COL26A1: variants seen among roughly 807,000 people sequenced by gnomAD.
COL26A1 encodes the protein collagen type XXVI alpha 1 chain, also known as collagen alpha-1(XXVI) chain.
A neutral mutation model predicts 59.3 loss-of-function variants in COL26A1; 41 were observed. The ratio of observed to expected loss-of-function variants is 0.69; its 90% CI spans 0.54 to 0.90. The LOEUF is 0.90. Among genes scored for constraint, COL26A1 ranks in the 40% least tolerant of loss-of-function variants. The pLI, the probability that COL26A1 is intolerant of heterozygous loss-of-function variation, is 0.00. For synonymous variants in COL26A1, 266 were observed against 256.0 expected (o/e 1.04, Z -0.37); for missense variants, 612 against 602.3 (o/e 1.02, Z -0.17).
At chr7:101,388,598 CTG>C (rs1056802830) in intron 1 of COL26A1, among the ~76,000 whole-genome samples, 4 of 150,800 alleles carry the variant, frequency 2.7e-5, no homozygotes, top group African/African-American at 9.7e-5. Flanking sequence ...CAGTCTCACT[CTG>C]TTGCCCAGGC....
intron 3 of COL26A1, among the ~76,000 whole-genome samples, chr7:101,479,148 A>AT (rs1422692601): frequency 1.2e-4 from 19 of 152,338 alleles, no homozygotes; most frequent in Admixed American, 1.2e-3. Flanking sequence ...CATATTGTCA[A>AT]TTGCTCTCCA....
chr7:101,486,699 C>T lies in COL26A1; in HGVS notation c.385+38912C>T, dbSNP rs189817493. On this transcript the variant is annotated intron_variant, in intron 3 of 12. Coordinates refer to ENST00000313669, the MANE Select transcript of COL26A1 (RefSeq NM_001278563.3). ...ATGCCAACACGCCTTTTATTAGGCA[C>T]GTCGATCCCATAATGTCCTTTCTCC... 9.2e-4 allele frequency among the ~76,000 whole-genome samples: 140 copies of T among 152,346 alleles called. 1 individual carries two copies. The highest frequency in any genetic ancestry group is 3.2e-3 in the African/African-American group (133 of 41,580).
intron 3 of COL26A1, among the ~76,000 whole-genome samples, chr7:101,511,409 C>T (rs1037214151): frequency 6.6e-6 from 1 of 152,190 alleles, no homozygotes; most frequent in Non-Finnish European, 1.5e-5. Flanking sequence ...ACTGAACTCC[C>T]AGAACAAATC....
intron 8 of COL26A1, among the ~76,000 whole-genome samples, chr7:101,547,639 A>G (rs1795765907): frequency 6.6e-6 from 1 of 152,236 alleles, no homozygotes; most frequent in Non-Finnish European, 1.5e-5. Context: ...TCCATCATCC[A>G]CATTCCTCAT....
intron 1 of COL26A1, among the ~76,000 whole-genome samples, chr7:101,375,332 G>T (rs1791288580): frequency 6.6e-6 from 1 of 151,272 alleles, no homozygotes; most frequent in Non-Finnish European, 1.5e-5. Context: ...AAGGATAAAG[G>T]CTTCTCTCAG....
chr7:101,394,869 CTTTTTT>C (rs61005447), intron 1 of COL26A1, among the ~76,000 whole-genome samples: 3 of 97,044 alleles, frequency 3.1e-5, no homozygotes, highest in Admixed American at 1.1e-4. Context: ...TTTTTCTTTT[CTTTTTT>C]TTTTTTTTTT....
chr7:101,362,470 G>C (rs970432930), upstream of COL26A1, among the ~76,000 whole-genome samples: 3 of 152,212 alleles, frequency 2.0e-5, no homozygotes, highest in Admixed American at 1.3e-4. Flanking sequence ...GATCCAAAGA[G>C]CCCTGCACAA....
intron 3 of COL26A1, among the ~76,000 whole-genome samples, chr7:101,448,120 G>A (rs764143430): frequency 7.2e-5 from 11 of 152,214 alleles, no homozygotes; most frequent in Non-Finnish European, 1.5e-4. Flanking sequence ...CAGAACCCCT[G>A]GGGCAGGCAG....
chr7:101,416,396 A>C (rs1792371590), intron 1 of COL26A1, among the ~76,000 whole-genome samples: 1 of 143,730 alleles, frequency 7.0e-6, no homozygotes, highest in South Asian at 2.3e-4. Flanking sequence ...CGGCCTCCCA[A>C]AGTACTGGGA....
At chr7:101,424,593 G>T (rs28417866) in intron 2 of COL26A1, among the ~76,000 whole-genome samples, 145 of 152,162 alleles carry the variant, frequency 9.5e-4, no homozygotes, top group African/African-American at 3.3e-3. Flanking sequence ...GCAAGTCTCC[G>T]TCTCAAAAAA....
intron 1 of COL26A1, among the ~76,000 whole-genome samples, chr7:101,377,937 G>T (rs538389882): frequency 2.6e-5 from 4 of 152,102 alleles, no homozygotes; most frequent in Non-Finnish European, 5.9e-5. Context: ...ACAGGGTCTT[G>T]CTCTGTCACC....
Position 101,557,681 on chromosome 7 carries a change from C to G in COL26A1, c.*151C>G. ...GGGGGGCTTTGGGGACAGATAATGT[C>G]TCCAGGGGCAGGGTCTGGAGGGGCC... is the stretch of plus-strand genomic sequence containing the variant. On this transcript the variant is annotated 3_prime_UTR_variant, in exon 13 of 13. Transcript: ENST00000313669. The G allele has an allele frequency of 3.8e-6, 3 of 788,380 alleles. No individual in the cohort carries two copies. The highest frequency in any genetic ancestry group is 5.8e-6 in the Non-Finnish European group (3 of 515,702). 48.8% of individuals were successfully genotyped at this position (788,380 alleles called of 1,614,324 possible). A position where few individuals can be genotyped will look rare whatever the true frequency, so the allele number is the denominator to read the frequency against.
chr7:101,422,834 T>C (rs1468922236), intron 2 of COL26A1, among the ~76,000 whole-genome samples: 1 of 152,046 alleles, frequency 6.6e-6, no homozygotes, highest in Non-Finnish European at 1.5e-5. Context: ...GAGACAGGGG[T>C]CTCGCCATGT....
rs1425073973 is a variant in COL26A1 at position 101,363,011 on chromosome 7, T to G, written c.-22T>G. ...CGGTCCTCGTGCCCGGGACTCCGGG[T>G]CCCCGCGGGCTGCTGCGCACGATGA... On this transcript the variant is annotated 5_prime_UTR_variant, in exon 1 of 13. Coordinates refer to ENST00000313669, the MANE Select transcript of COL26A1 (RefSeq NM_001278563.3). 6.4e-7 allele frequency: 1 copy of G among 1,562,440 alleles called. No individual in the cohort carries two copies. Among genetic ancestry groups the G allele is most frequent in the East Asian group, 2.4e-5 (1 of 41,486 alleles).
chr7:101,535,802 G>C (rs934777344), intron 4 of COL26A1, among the ~76,000 whole-genome samples: 1 of 152,218 alleles, frequency 6.6e-6, no homozygotes, highest in Non-Finnish European at 1.5e-5. Context: ...GGCTGGTCCA[G>C]AGTGGGGAAG....
At chr7:101,445,663 C>T (rs373671832) in intron 2 of COL26A1, among the ~76,000 whole-genome samples, 22 of 131,170 alleles carry the variant, frequency 1.7e-4, no homozygotes, top group African/African-American at 5.4e-4. Context: ...ACCCGGGAGG[C>T]GGAGCTTGCA....
intron 1 of COL26A1, among the ~76,000 whole-genome samples, chr7:101,413,198 G>A (rs1017122407): frequency 2.6e-5 from 4 of 152,148 alleles, no homozygotes; most frequent in Non-Finnish European, 4.4e-5. Context: ...CCTCCCCCTA[G>A]GTGAAGTGGG....
At chr7:101,509,277 C>A (rs1794873641) in intron 3 of COL26A1, among the ~76,000 whole-genome samples, 1 of 151,874 alleles carries the variant, frequency 6.6e-6, no homozygotes, top group Non-Finnish European at 1.5e-5. Context: ...AAACCCACTT[C>A]TCTACTAAAA....
intron 2 of COL26A1, among the ~76,000 whole-genome samples, chr7:101,424,290 C>T (rs776433209): frequency 3.9e-5 from 6 of 152,084 alleles, no homozygotes; most frequent in Non-Finnish European, 7.4e-5. Context: ...ATAATTTCTG[C>T]TGTTATTATA....
Sources: allele counts gnomAD v4.1 joint callset (sites outside exome capture counted in the v4.1 genomes callset), GRCh38; gene constraint gnomAD v4.1.1; transcripts MANE v1.5; gene names NCBI Gene and HGNC (gene_info 2026-07-23, HGNC 2026-07-21).